The following ITGB7 variants were observed in gnomAD, a reference collection of about 807,000 sequenced individuals.
ITGB7 encodes the protein integrin beta-7.
In ITGB7, 55 loss-of-function variants were observed where a neutral mutation model predicts 83.4. That is an observed-to-expected ratio of 0.66 (90% CI 0.53 to 0.83). The LOEUF is 0.83. Among genes scored for constraint, ITGB7 ranks in the 40% least tolerant of loss-of-function variants. The pLI, the probability that ITGB7 is intolerant of heterozygous loss-of-function variation, is 0.00. For synonymous variants in ITGB7, 454 were observed against 423.6 expected, an observed-to-expected ratio of 1.07 and a Z score of -0.88; for missense variants, 921 against 1,046.7, an observed-to-expected ratio of 0.88 and a Z score of 1.66.
In ITGB7 at chr12:53,193,667, T is replaced by G. The variant is rs141751697; in HGVS notation, c.1502+41A>C. The G allele has an allele frequency of 5.5e-4, 855 of 1,555,532 alleles. 4 individuals are homozygous for G. In the African/African-American group the frequency reaches 0.01, roughly 18 times the overall value. ...GGAATACGGGCCAGGGTTGGTTGGTTGTTGGGAGCCAGGTGGTTGAAGGGA... is the reference window on the plus strand; with the variant it reads ...GGAATACGGGCCAGGGTTGGTTGGTGGTTGGGAGCCAGGTGGTTGAAGGGA... On this transcript the variant is annotated intron_variant, in intron 11 of 15. Coordinates refer to ENST00000267082, the MANE Select transcript of ITGB7 (RefSeq NM_000889.3).
At position 53,194,350 on chromosome 12, in the gene ITGB7, G is replaced by A. The variant is rs765657168; in HGVS notation, c.1162-6C>T. 1.2e-6 allele frequency: 2 copies of A among 1,613,730 alleles called. No individual in the cohort carries two copies. Among genetic ancestry groups the A allele is most frequent in the South Asian group, 2.2e-5 (2 of 91,042 alleles). On this transcript the variant is annotated splice_region_variant and splice_polypyrimidine_tract_variant and intron_variant, in intron 9 of 15. Transcript: ENST00000267082. ...GTCACGGTGGAAGACAGGCTCTATG[G>A]GAAGAGAGCGAGTGGATAACCACGT...
chr12:53,196,097 T>C lies in ITGB7; in HGVS notation c.919A>G (p.Ser307Gly). The change falls in exon 7 of 16, where the codon AGT becomes GGT. Residue 307 changes from serine to glycine, a missense_variant. Coordinates refer to ENST00000267082, the MANE Select transcript of ITGB7 (RefSeq NM_000889.3). ...CTGTCCAAGTGGCAGTGCCCATCAC[T>C]GGGCATGAAAATGCCGCCCAACTTC... is the stretch of plus-strand genomic sequence containing the variant. ...DGKLGGIFMP[S>G]DGHCHLDSNG... 1 of 1,614,154 alleles carries C rather than the reference T, an allele frequency of 6.2e-7. No homozygotes were observed. Among genetic ancestry groups the C allele is most frequent in the Non-Finnish European group, 8.5e-7 (1 of 1,180,014 alleles).
rs758175444 is a variant in ITGB7, at chr12:53,193,902, C to T, written c.1309-1G>A. The stretch of plus-strand genomic sequence containing the variant: ...CTTGGAGAGAAACCCAGAAAGTCAC[C>T]TGAGAAGAGGCAGGAATCAGGCCAT... On this transcript the variant is annotated splice_acceptor_variant, in intron 10 of 15. Coordinates refer to ENST00000267082, the MANE Select transcript of ITGB7 (RefSeq NM_000889.3). LOFTEE classifies it high-confidence loss of function. The T allele has an allele frequency of 6.2e-7, 1 of 1,610,928 alleles. No homozygotes were observed. Among genetic ancestry groups the T allele is most frequent in the South Asian group, 1.1e-5 (1 of 90,674 alleles).
At chr12:53,205,393 T>C (rs1942417899) in intron 1 of ITGB7, among the ~76,000 whole-genome samples, 1 of 152,032 alleles carries the variant, frequency 6.6e-6, no homozygotes, top group African/African-American at 2.4e-5. Flanking sequence ...TTCCCCATGT[T>C]GCCCAGGCTG....
chr12:53,200,944 A>C, intron 2 of ITGB7, 128 bp downstream of exon 2: 1 of 155,432 alleles, frequency 6.4e-6, no homozygotes, highest in Non-Finnish European at 1.4e-5. Context: ...AAAAAAAAAT[A>C]GGGGCCTCAG....
intron 1 of ITGB7, among the ~76,000 whole-genome samples, chr12:53,205,819 C>A (rs1942430288): frequency 6.6e-6 from 1 of 152,098 alleles, no homozygotes; most frequent in Non-Finnish European, 1.5e-5. Flanking sequence ...GTGTTGAGTC[C>A]TTGAATGTCC....
In ITGB7 at chr12:53,191,962, A is replaced by G. The variant is rs532853354; in HGVS notation, c.2213T>C (p.Val738Ala). The change falls in exon 15 of 16, where the codon GTG becomes GCG. Residue 738 changes from valine (V) to alanine (A), a missense_variant. Physicochemically the swap from Val to Ala is moderately conservative, Grantham distance 64 (BLOSUM62 0). Coordinates refer to ENST00000267082, the MANE Select transcript of ITGB7 (RefSeq NM_000889.3). The part of the protein sequence containing the change: ...VLGCVGGIVA[V>A]GLGLVLAYRL... ...GTAAGCCAGGACCAGCCCCAGCCCC[A>G]CTGCCACGATGCCCCCTACGCAGCC... 1.9e-6 allele frequency: 3 copies of G among 1,611,622 alleles called. No homozygotes were observed. The highest frequency in any genetic ancestry group is 1.3e-5 in the African/African-American group (1 of 74,774).
chr12:53,197,624 T>A lies in ITGB7; in HGVS notation c.443A>T (p.Glu148Val). ...QQLQVRFLRA[E>V]GYPVDLYYLM... The stretch of plus-strand genomic sequence containing the variant: ...GTAGTACAGGTCCACCGGGTATCCC[T>A]CAGCACGAAGGAAGCGGACCTGGAG... Residue 148 changes from glutamate to valine, a missense_variant, in exon 5 of 16, where the codon GAG (glutamate) becomes GTG (valine). Physicochemically the swap from Glu to Val is moderately radical, Grantham distance 121. Transcript: ENST00000267082. 1 of 1,614,044 alleles carries A rather than the reference T, an allele frequency of 6.2e-7. No homozygotes were observed. Among genetic ancestry groups the A allele is most frequent in the Non-Finnish European group, 8.5e-7 (1 of 1,179,962 alleles).
intron 9 of ITGB7, 44 bp from the exon 10 acceptor site, chr12:53,194,388 G>C: frequency 6.2e-7 from 1 of 1,601,592 alleles, no homozygotes; most frequent in Non-Finnish European, 8.5e-7. Context: ...AGGCAGAAAA[G>C]GACTCCAACC....
At chr12:53,200,578 C>G in intron 2 of ITGB7, 132 bp from the exon 3 acceptor site, 3 of 721,726 alleles carry the variant, frequency 4.2e-6, no homozygotes, top group Non-Finnish European at 7.0e-6. Context: ...CATAGTTTCA[C>G]TTCCCCTGTG....
In ITGB7 at chr12:53,191,463, C is replaced by G; in HGVS notation, c.*93G>C. ...CGCACCTCGCCAGTGAATTAGTCCC[C>G]TACCAAGGTCTTACAGACCCACCCT... is the stretch of plus-strand genomic sequence containing the variant. On this transcript the variant is annotated 3_prime_UTR_variant, in exon 16 of 16. Coordinates refer to ENST00000267082, the MANE Select transcript of ITGB7 (RefSeq NM_000889.3). 1 of 996,678 alleles carries G rather than the reference C, an allele frequency of 1.0e-6. No individual in the cohort carries two copies. The highest frequency in any genetic ancestry group is 1.3e-5 in the South Asian group (1 of 78,306). 61.7% of individuals were successfully genotyped at this position (996,678 alleles called of 1,614,324 possible).
chr12:53,198,449 T>G (rs1942241740), intron 3 of ITGB7, among the ~76,000 whole-genome samples: 2 of 149,740 alleles, frequency 1.3e-5, no homozygotes. Context: ...AAAGACAGGG[T>G]CTTGCTTTTT....
intron 1 of ITGB7, among the ~76,000 whole-genome samples, chr12:53,202,951 A>AAT (rs1192126534): frequency 3.3e-5 from 5 of 152,220 alleles, no homozygotes; most frequent in Non-Finnish European, 2.9e-5. Context: ...CAAAGCCCTA[A>AAT]ATATAACTAC....
In ITGB7 at chr12:53,195,619, C is replaced by T; in HGVS notation, c.1071+7G>A. 1.2e-6 allele frequency: 2 copies of T among 1,610,730 alleles called. No individual in the cohort carries two copies. The highest frequency in any genetic ancestry group is 1.7e-6 in the Non-Finnish European group (2 of 1,176,900). On this transcript the variant is annotated splice_region_variant and intron_variant, in intron 8 of 15. Transcript: ENST00000267082. ...GCTGGGGGATCTGACATGTAGACAG[C>T]TCTCACCTGGTAGACAGGCAGTGCG...
At chr12:53,194,013 T>C in intron 10 of ITGB7, 112 bp from the exon 11 acceptor site, 1 of 1,312,284 alleles carries the variant, frequency 7.6e-7, no homozygotes, top group East Asian at 2.4e-5. Context: ...TGGGGTCATG[T>C]TAACACCCAA....
intron 1 of ITGB7, among the ~76,000 whole-genome samples, chr12:53,205,549 C>T (rs1459031247): frequency 6.6e-6 from 1 of 152,078 alleles, no homozygotes; most frequent in Non-Finnish European, 1.5e-5. Context: ...AAATCCCTAG[C>T]AGAGGACGTG....
intron 1 of ITGB7, among the ~76,000 whole-genome samples, chr12:53,203,797 T>C (rs544045658): frequency 2.0e-5 from 3 of 152,242 alleles, no homozygotes; most frequent in African/African-American, 7.2e-5. Flanking sequence ...TTGGGATCTT[T>C]ATACATTACC....
Position 53,194,182 on chromosome 12 carries a change from G to T in ITGB7, c.1308+16C>A. 1.9e-6 allele frequency: 3 copies of T among 1,613,870 alleles called. No homozygotes were observed. On this transcript the variant is annotated intron_variant, in intron 10 of 15. Transcript: ENST00000267082. The stretch of plus-strand genomic sequence containing the variant: ...CTCCCCCTGCCCGCCTTCTGCCTGT[G>T]CTTGCTGGCTCTCACCGTCTGGTTG...
chr12:53,192,600 A>G, intron 13 of ITGB7, 62 bp from the exon 14 acceptor site: 2 of 1,598,646 alleles, frequency 1.3e-6, no homozygotes, highest in African/African-American at 1.3e-5. Flanking sequence ...CCCTTGCCCA[A>G]CTACAAGCAG....
Sources: gnomAD v4.1 joint callset for allele counts (sites outside exome capture counted in the v4.1 genomes callset) on GRCh38, gnomAD v4.1.1 for gene constraint, MANE v1.5 for transcripts, NCBI Gene and HGNC (gene_info 2026-07-23, HGNC 2026-07-21) for gene names.